PPP1R9A: variants seen among roughly 807,000 people sequenced by gnomAD.
The protein encoded by PPP1R9A is neurabin-1.
In PPP1R9A, 59 loss-of-function variants were observed where a neutral mutation model predicts 141.9. The ratio of observed to expected loss-of-function variants is 0.42; its 90% CI spans 0.34 to 0.52. The LOEUF (loss-of-function observed/expected upper bound fraction) is 0.52. PPP1R9A is among the 20% of genes least tolerant of loss of function. The pLI, the probability that PPP1R9A is intolerant of heterozygous loss-of-function variation, is 0.10. For missense variants in PPP1R9A, 1,444 were observed against 1,611.9 expected (o/e 0.90, Z 1.78); for synonymous variants, 500 against 569.7 (o/e 0.88, Z 1.74).
intron 7 of PPP1R9A, among the ~76,000 whole-genome samples, chr7:95,220,632 C>T (rs1794284832): frequency 6.6e-6 from 1 of 152,042 alleles, no homozygotes; most frequent in Non-Finnish European, 1.5e-5. Flanking sequence ...TTGTTCAGTG[C>T]CCACTATATG....
chr7:95,276,441 T>C (rs1803197890), intron 16 of PPP1R9A, among the ~76,000 whole-genome samples: 1 of 152,208 alleles, frequency 6.6e-6, no homozygotes, highest in Admixed American at 6.5e-5. Flanking sequence ...CGATGCCTGC[T>C]TTGAACCCAC....
At chr7:95,156,902 G>A (rs1268728350) in intron 4 of PPP1R9A, 3 of 152,600 alleles carry the variant, frequency 2.0e-5, no homozygotes, top group African/African-American at 7.2e-5. Flanking sequence ...CTCTGCAGCT[G>A]GTCATCCATC....
chr7:95,134,401 G>T (rs2152540540), intron 4 of PPP1R9A, among the ~76,000 whole-genome samples: 1 of 152,204 alleles, frequency 6.6e-6, no homozygotes, highest in East Asian at 1.9e-4. Flanking sequence ...AGGTTGATGG[G>T]TGCAGCAAAC....
At chr7:95,228,443 A>G (rs543038841) in intron 8 of PPP1R9A, among the ~76,000 whole-genome samples, 4 of 152,310 alleles carry the variant, frequency 2.6e-5, no homozygotes, top group Non-Finnish European at 4.4e-5. Flanking sequence ...TAGCCCTTTT[A>G]TTAAATGCTC....
intron 2 of PPP1R9A, among the ~76,000 whole-genome samples, chr7:95,104,259 T>A (rs1249783388): frequency 6.6e-6 from 1 of 152,196 alleles, no homozygotes; most frequent in Non-Finnish European, 1.5e-5. Context: ...GTATGTAGGA[T>A]TCTGGTGAGT....
At chr7:95,164,405 G>A (rs1239959110) in intron 5 of PPP1R9A, among the ~76,000 whole-genome samples, 2 of 151,648 alleles carry the variant, frequency 1.3e-5, no homozygotes, top group Non-Finnish European at 2.9e-5. Flanking sequence ...TACCTCTTTT[G>A]GATTTTTTTC....
intron 1 of PPP1R9A, chr7:94,907,947 G>A (rs1253394877): frequency 1.4e-5 from 2 of 147,822 alleles, no homozygotes; most frequent in Non-Finnish European, 3.0e-5. Flanking sequence ...GGAGCGCCTG[G>A]GGGCCGACGC....
intron 2 of PPP1R9A, among the ~76,000 whole-genome samples, chr7:94,967,019 G>A (rs1050305013): frequency 1.2e-4 from 19 of 152,040 alleles, no homozygotes; most frequent in African/African-American, 3.9e-4. Context: ...TCAGGGATTC[G>A]AATTCTTCCT....
Position 95,288,546 on chromosome 7 carries a change from A to G in PPP1R9A, c.3740A>G (p.Asp1247Gly), listed in dbSNP as rs1486871790. 1.9e-6 allele frequency: 3 copies of G among 1,613,766 alleles called. No individual in the cohort carries two copies. The highest frequency in any genetic ancestry group is 2.7e-5 in the African/African-American group (2 of 74,918). Residue 1247 changes from aspartate to glycine, a missense_variant, in exon 19 of 20, where the codon GAT becomes GGT. Physicochemically the swap from Asp to Gly is moderately conservative, Grantham distance 94 (BLOSUM62 -1). Around this residue, in one of 5 missense-constraint regions of PPP1R9A, gnomAD observed 459 missense variants for 513.8 expected, o/e 0.89. Coordinates refer to ENST00000433360, the MANE Select transcript of PPP1R9A (RefSeq NM_001166160.2). Reference protein sequence around the residue: ...LALSSDEILDDGQSPKHSQCQ... With the variant: ...LALSSDEILDGGQSPKHSQCQ... ...ACATTCCTATCTTAGATCCTTGATG[A>G]TGGACAGTCTCCCAAACACAGTCAG...
intron 2 of PPP1R9A, among the ~76,000 whole-genome samples, chr7:95,076,999 G>A (rs1016141185): frequency 6.6e-6 from 1 of 151,348 alleles, no homozygotes; most frequent in Non-Finnish European, 1.5e-5. Flanking sequence ...TTTCTTGTCT[G>A]ATTTCACAGA....
chr7:95,274,569 T>C (rs572741128), intron 16 of PPP1R9A, among the ~76,000 whole-genome samples: 24 of 152,338 alleles, frequency 1.6e-4, no homozygotes, highest in Non-Finnish European at 2.9e-4. Flanking sequence ...AAGTACCTTG[T>C]TGACATTCAA....
intron 12 of PPP1R9A, among the ~76,000 whole-genome samples, chr7:95,264,172 T>C (rs1337885433): frequency 1.3e-5 from 2 of 152,220 alleles, no homozygotes; most frequent in Non-Finnish European, 2.9e-5. Context: ...TGGGCCCACC[T>C]TTTATGAACT....
chr7:95,270,384 T>G (rs1192281498), intron 14 of PPP1R9A, among the ~76,000 whole-genome samples: 1 of 152,154 alleles, frequency 6.6e-6, no homozygotes, highest in African/African-American at 2.4e-5. Context: ...ATTGCAGGCT[T>G]GAGGATAAGG....
At chr7:95,070,402 C>T (rs79222236) in intron 2 of PPP1R9A, among the ~76,000 whole-genome samples, 3,390 of 151,694 alleles carry the variant, frequency 0.022, 132 homozygotes, top group African/African-American at 0.078. Context: ...ACATAGATCA[C>T]CATGACCTTG....
intron 2 of PPP1R9A, among the ~76,000 whole-genome samples, chr7:95,042,470 A>G (rs1809392109): frequency 6.6e-6 from 1 of 152,230 alleles, no homozygotes. Flanking sequence ...GAAGGCATCT[A>G]TACCATTTTT....
At chr7:94,972,717 A>C (rs1279217650) in intron 2 of PPP1R9A, among the ~76,000 whole-genome samples, 1 of 152,132 alleles carries the variant, frequency 6.6e-6, no homozygotes, top group Non-Finnish European at 1.5e-5. Flanking sequence ...GTAGGTGTAC[A>C]CTGGCAGCCT....
chr7:95,125,151 A>AT (rs1823342320), intron 4 of PPP1R9A, among the ~76,000 whole-genome samples: 1 of 151,864 alleles, frequency 6.6e-6, no homozygotes, highest in Non-Finnish European at 1.5e-5. Context: ...GTCACTTTTT[A>AT]TTTTTTATTT....
At chr7:95,242,606 T>C (rs1311416843) in intron 8 of PPP1R9A, among the ~76,000 whole-genome samples, 1 of 151,990 alleles carries the variant, frequency 6.6e-6, no homozygotes, top group Non-Finnish European at 1.5e-5. Flanking sequence ...AAAAAAAAAT[T>C]ATACACAGCA....
intron 5 of PPP1R9A, among the ~76,000 whole-genome samples, chr7:95,168,955 T>A (rs902271105): frequency 6.6e-6 from 1 of 151,838 alleles, no homozygotes; most frequent in Non-Finnish European, 1.5e-5. Flanking sequence ...GTTAATACAG[T>A]CATTAGGGAA....
Sources: gnomAD v4.1 joint callset for allele counts (sites outside exome capture counted in the v4.1 genomes callset) on GRCh38, gnomAD v4.1.1 for gene constraint, gnomAD v4.1.1 regional missense constraint, MANE v1.5 for transcripts, NCBI Gene and HGNC (gene_info 2026-07-23, HGNC 2026-07-21) for gene names.